The following NFIB variants were observed in gnomAD, a reference collection of about 807,000 sequenced individuals.
NFIB encodes the protein nuclear factor I B, also known as nuclear factor 1 B-type.
A neutral mutation model predicts 61.5 loss-of-function variants in NFIB; 11 were observed. The observed-to-expected ratio is 0.18, with a 90% CI of 0.11 to 0.30. NFIB has a LOEUF of 0.30. Ranked by LOEUF, NFIB falls within the 10% of genes least tolerant of loss-of-function variation. The pLI is 1.00. For synonymous variants in NFIB, 260 were observed against 216.5 expected, an observed-to-expected ratio of 1.20 and a Z score of -1.76; for missense variants, 471 against 608.9, an observed-to-expected ratio of 0.77 and a Z score of 2.38.
the NFIB span, among the ~76,000 whole-genome samples, chr9:14,470,568 A>C: frequency 2.0e-5 from 3 of 152,160 alleles, no homozygotes; most frequent in African/African-American, 7.2e-5. Flanking sequence ...TAGAGGAGTC[A>C]CATAGTACAA....
At chr9:14,387,904 C>A (rs1310883488) in intron 1 of NFIB, among the ~76,000 whole-genome samples, 1 of 152,146 alleles carries the variant, frequency 6.6e-6, no homozygotes, top group East Asian at 1.9e-4. Flanking sequence ...CTGCTCATAG[C>A]AGGAGGTGCC....
intron 1 of NFIB, among the ~76,000 whole-genome samples, chr9:14,380,784 T>C (rs901459477): frequency 1.3e-5 from 2 of 152,106 alleles, no homozygotes; most frequent in Admixed American, 6.5e-5. Context: ...TTGCCATCCC[T>C]GTTTCTTCTA....
At chr9:14,199,531 T>C (rs1336194521) in intron 2 of NFIB, among the ~76,000 whole-genome samples, 2 of 152,198 alleles carry the variant, frequency 1.3e-5, no homozygotes, top group African/African-American at 4.8e-5. Flanking sequence ...AAGGAAGTGG[T>C]AAGGCAGCAT....
chr9:14,422,426 A>G, the NFIB span, among the ~76,000 whole-genome samples: 16 of 152,132 alleles, frequency 1.1e-4, no homozygotes, highest in African/African-American at 3.6e-4. Context: ...TGCCTGCTCT[A>G]AGTATTCTTA....
At chr9:14,491,389 A>C in the NFIB span, among the ~76,000 whole-genome samples, 5 of 152,352 alleles carry the variant, frequency 3.3e-5, no homozygotes, top group African/African-American at 9.6e-5. Flanking sequence ...GGCAAGAAGA[A>C]ATTTCAGAAA....
At chr9:14,382,345 TGA>T (rs111564800) in intron 1 of NFIB, among the ~76,000 whole-genome samples, 12 of 149,192 alleles carry the variant, frequency 8.0e-5, no homozygotes, top group South Asian at 4.2e-4. Context: ...CAGAAAGTGA[TGA>T]GAGAGAGAGA....
chr9:14,190,589 G>T (rs2047840116), intron 2 of NFIB, among the ~76,000 whole-genome samples: 1 of 152,136 alleles, frequency 6.6e-6, no homozygotes. Context: ...CTTGAATAAT[G>T]CATCATTGAA....
At chr9:14,358,196 A>G (rs2061198311) in intron 1 of NFIB, among the ~76,000 whole-genome samples, 1 of 149,100 alleles carries the variant, frequency 6.7e-6, no homozygotes, top group East Asian at 1.9e-4. Flanking sequence ...TTATTGATAT[A>G]TAACTCATAT....
At chr9:14,123,241 C>G (rs1212971846) in intron 7 of NFIB, among the ~76,000 whole-genome samples, 3 of 148,262 alleles carry the variant, frequency 2.0e-5, no homozygotes, top group Admixed American at 2.0e-4. Flanking sequence ...TGGAGTAAGA[C>G]CCTGTCTCAA....
chr9:14,178,016 A>G (rs1434093679), intron 3 of NFIB, among the ~76,000 whole-genome samples: 2 of 152,166 alleles, frequency 1.3e-5, no homozygotes, highest in Non-Finnish European at 2.9e-5. Flanking sequence ...TCAAACAATA[A>G]CTGCTTTATT....
intron 1 of NFIB, among the ~76,000 whole-genome samples, chr9:14,331,375 G>A (rs529427961): frequency 6.6e-6 from 1 of 152,166 alleles, no homozygotes; most frequent in Admixed American, 6.5e-5. Flanking sequence ...ACTTGCCTTG[G>A]AGGCTTTCCA....
At chr9:14,451,654 A>G in the NFIB span, among the ~76,000 whole-genome samples, 2 of 152,168 alleles carry the variant, frequency 1.3e-5, no homozygotes, top group Non-Finnish European at 2.9e-5. Flanking sequence ...ACAAATCATA[A>G]TATTTTAGAG....
intron 4 of NFIB, among the ~76,000 whole-genome samples, chr9:14,153,964 T>C (rs2043125198): frequency 6.6e-6 from 1 of 152,164 alleles, no homozygotes; most frequent in African/African-American, 2.4e-5. Context: ...TGAATATAGA[T>C]AATTAATGTG....
At chr9:14,403,642 T>C (rs2061763766), upstream of NFIB, among the ~76,000 whole-genome samples, 1 of 152,038 alleles carries the variant, frequency 6.6e-6, no homozygotes, top group African/African-American at 2.4e-5. Context: ...ATGCATGCCA[T>C]AGTTTTTCTT....
intron 2 of NFIB, among the ~76,000 whole-genome samples, chr9:14,254,088 G>A (rs192724473): frequency 1.7e-4 from 26 of 152,234 alleles, no homozygotes; most frequent in Admixed American, 7.2e-4. Context: ...GATAACTTGA[G>A]GCCAGTAGTT....
intron 1 of NFIB, among the ~76,000 whole-genome samples, chr9:14,328,782 T>C (rs2060785592): frequency 6.6e-6 from 1 of 152,200 alleles, no homozygotes; most frequent in African/African-American, 2.4e-5. Context: ...AATTGTAAAG[T>C]TGTTAAAATT....
chr9:14,384,603 G>A (rs17709016), intron 1 of NFIB, among the ~76,000 whole-genome samples: 4,192 of 152,260 alleles, frequency 0.028, 77 homozygotes, highest in Middle Eastern at 0.082. Context: ...AAATGACTAC[G>A]TTGAAGGTTA....
the NFIB span, among the ~76,000 whole-genome samples, chr9:14,428,192 C>A: frequency 6.6e-6 from 1 of 151,948 alleles, no homozygotes; most frequent in Non-Finnish European, 1.5e-5. Context: ...GTAATCCTCC[C>A]ACTTCAGCCT....
intron 2 of NFIB, among the ~76,000 whole-genome samples, chr9:14,272,046 A>G (rs887000184): frequency 6.6e-6 from 1 of 152,210 alleles, no homozygotes; most frequent in Non-Finnish European, 1.5e-5. Flanking sequence ...AATTCCATCC[A>G]GTGGCCATTA....
Sources: allele counts gnomAD v4.1 joint callset (sites outside exome capture counted in the v4.1 genomes callset), GRCh38; gene constraint gnomAD v4.1.1; transcripts MANE v1.5; gene names NCBI Gene and HGNC (gene_info 2026-07-23, HGNC 2026-07-21).